The following NACC2 variants were observed in gnomAD, a reference collection of about 807,000 sequenced individuals.
NACC2 encodes NACC family member 2, also known as nucleus accumbens-associated protein 2.
A neutral mutation model predicts 25.1 loss-of-function variants in NACC2; 8 were observed. That is an observed-to-expected ratio of 0.32 (90% CI 0.19 to 0.57). The LOEUF (loss-of-function observed/expected upper bound fraction) is 0.57. Among genes scored for constraint, NACC2 ranks in the 20% least tolerant of loss-of-function variants. NACC2 has a pLI of 0.89. For synonymous variants in NACC2, 435 were observed against 294.7 expected (o/e 1.48, Z -4.88); for missense variants, 644 against 650.2 (o/e 0.99, Z 0.10).
At chr9:136,092,977 C>T (rs987572041) in intron 1 of NACC2, among the ~76,000 whole-genome samples, 1 of 152,170 alleles carries the variant, frequency 6.6e-6, no homozygotes, top group Non-Finnish European at 1.5e-5. Flanking sequence ...TAGAACAGGG[C>T]TGGCTGAGGA....
chr9:136,049,260 G>C (rs1468915781), intron 2 of NACC2, among the ~76,000 whole-genome samples: 5 of 152,214 alleles, frequency 3.3e-5, no homozygotes, highest in Admixed American at 3.3e-4. Context: ...AGACCTGGCC[G>C]GGTGAGGCGC....
rs955748798 is a variant in NACC2 at position 136,041,474 on chromosome 9, T to C, written c.886+8162A>G. Among the ~76,000 whole-genome samples, 343 of 150,906 alleles carry C rather than the reference T, an allele frequency of 2.3e-3. 2 individuals carry two copies. Among genetic ancestry groups the C allele is most frequent in the African/African-American group, 8.0e-3 (329 of 41,210 alleles). On this transcript the variant is annotated intron_variant, in intron 2 of 5. Coordinates refer to ENST00000277554, the MANE Select transcript of NACC2 (RefSeq NM_144653.5). ...TGAAGCATTGACCTATTCTTCAACA[T>C]GGGTGATTCCTGATGCCAAAAGAAA...
chr9:136,083,417 C>T (rs1330463924), intron 1 of NACC2, among the ~76,000 whole-genome samples: 1 of 152,184 alleles, frequency 6.6e-6, no homozygotes, highest in Admixed American at 6.5e-5. Context: ...TGGCCTTCAC[C>T]CCTGTACTAG....
chr9:136,053,615 G>A (rs1840881052), intron 1 of NACC2, among the ~76,000 whole-genome samples: 1 of 152,220 alleles, frequency 6.6e-6, no homozygotes, highest in Non-Finnish European at 1.5e-5. Context: ...CCGGGCAGGG[G>A]GGTACAAGAG....
In NACC2 at chr9:136,050,512, T is replaced by A. The variant is rs1840809896; in HGVS notation, c.10A>T (p.Met4Leu). The change falls in exon 2 of 6, where the codon ATG (methionine) becomes TTG (leucine). Residue 4 changes from methionine to leucine, a missense_variant. Coordinates refer to ENST00000277554, the MANE Select transcript of NACC2 (RefSeq NM_144653.5). ...AAGTTGGGGATCTCGATGTGCAGCA[T>A]CTGAGACATGGCGGGCGGGCAGCGG... MSQ[M>L]LHIEIPNFGN... The A allele has an allele frequency of 2.6e-6, 2 of 763,244 alleles. No homozygotes were observed. Among genetic ancestry groups the A allele is most frequent in the Non-Finnish European group, 4.8e-6 (2 of 417,332 alleles). 47.3% of individuals were successfully genotyped at this position (763,244 alleles called of 1,614,324 possible).
intron 2 of NACC2, among the ~76,000 whole-genome samples, chr9:136,048,339 C>G (rs1331399672): frequency 1.3e-5 from 2 of 152,178 alleles, no homozygotes; most frequent in Admixed American, 1.3e-4. Flanking sequence ...CTCAGCCAGC[C>G]GGGTCCACAA....
chr9:136,093,872 G>T lies in NACC2; in HGVS notation c.-60+1317C>A, dbSNP rs181767641. Among the ~76,000 whole-genome samples, 831 of 152,310 alleles carry T rather than the reference G, an allele frequency of 5.5e-3. 5 individuals carry two copies. The highest frequency in any genetic ancestry group is 0.019 in the African/African-American group (770 of 41,568). On this transcript the variant is annotated intron_variant, in intron 1 of 5. Transcript: ENST00000277554. ...TGACCTAACTCTAGGCGCCCCTGCT[G>T]GGGGGTGCTACAGGCTAAAACACCC... is the stretch of plus-strand genomic sequence containing the variant.
intron 1 of NACC2, among the ~76,000 whole-genome samples, chr9:136,051,630 G>A (rs1186175243): frequency 6.6e-6 from 1 of 152,092 alleles, no homozygotes; most frequent in Non-Finnish European, 1.5e-5. Flanking sequence ...GCGGGAGGAG[G>A]GCGGAGCCAC....
intron 1 of NACC2, among the ~76,000 whole-genome samples, chr9:136,082,955 T>C (rs576013086): frequency 6.6e-6 from 1 of 152,340 alleles, no homozygotes; most frequent in Admixed American, 6.5e-5. Context: ...TCCTGCCAGA[T>C]ATCAGGGCGA....
At chr9:136,091,690 G>A (rs1007223816) in intron 1 of NACC2, among the ~76,000 whole-genome samples, 1 of 152,194 alleles carries the variant, frequency 6.6e-6, no homozygotes, top group African/African-American at 2.4e-5. Flanking sequence ...AACGCAGGAA[G>A]GCCACAGCTG....
Position 136,013,168 on chromosome 9 carries a change from C to T in NACC2, c.1255+31G>A, listed in dbSNP as rs1326568535. On this transcript the variant is annotated intron_variant, in intron 5 of 5. Transcript: ENST00000277554. The surrounding 1 kb of genome is among the most constrained non-coding windows in gnomAD (Gnocchi z 6.6). ...CTGGGATCTGAACCCAGCCCCGGCC[C>T]CACCCACCCGAGAGACCCCCAGGCT... The T allele has an allele frequency of 4.0e-6, 4 of 1,009,136 alleles. No homozygotes were observed. Among genetic ancestry groups the T allele is most frequent in the Non-Finnish European group, 6.3e-6 (4 of 637,938 alleles). The allele number at this position is 1,009,136 out of a possible 1,614,324, so 62.5% of individuals were successfully genotyped here.
chr9:136,088,609 G>A (rs1179282695), intron 1 of NACC2, among the ~76,000 whole-genome samples: 5 of 152,222 alleles, frequency 3.3e-5, no homozygotes, highest in Non-Finnish European at 5.9e-5. Flanking sequence ...ATCAGCAGGG[G>A]CTTCACTGCC....
intron 2 of NACC2, among the ~76,000 whole-genome samples, chr9:136,042,989 C>T (rs1415901625): frequency 6.7e-6 from 1 of 149,754 alleles, no homozygotes; most frequent in Non-Finnish European, 1.5e-5. Flanking sequence ...CGCAGACACA[C>T]AGACACAGTG....
rs925409017 is a variant in NACC2 at position 136,012,126 on chromosome 9, C to A, written c.1256-102G>T. 8 of 1,381,870 alleles carry A rather than the reference C, an allele frequency of 5.8e-6. No homozygotes were observed. The Admixed American group carries it at 8.4e-5, about 15-fold the overall frequency. 85.6% of individuals were successfully genotyped at this position (1,381,870 alleles called of 1,614,324 possible). A position where few individuals can be genotyped will look rare whatever the true frequency, so the allele number is the denominator to read the frequency against. ...GATGCCCTGGATGAGCCTCCCCGGCCGCTCCTGGGGCCCATGTGACCACCT... is the reference window on the plus strand; with the variant it reads ...GATGCCCTGGATGAGCCTCCCCGGCAGCTCCTGGGGCCCATGTGACCACCT... On this transcript the variant is annotated intron_variant, in intron 5 of 5. Transcript: ENST00000277554.
At chr9:136,025,722 G>A (rs552476254) in intron 2 of NACC2, among the ~76,000 whole-genome samples, 1 of 151,280 alleles carries the variant, frequency 6.6e-6, no homozygotes, top group African/African-American at 2.4e-5. Context: ...GAGACAGCCT[G>A]GCCAAAACGG....
intron 2 of NACC2, among the ~76,000 whole-genome samples, chr9:136,029,755 G>C (rs1840446060): frequency 6.6e-6 from 1 of 152,210 alleles, no homozygotes; most frequent in African/African-American, 2.4e-5. Context: ...CTGTGCCAGT[G>C]CCTGGAGCTG....
At chr9:136,026,831 C>G (rs969792871) in intron 2 of NACC2, among the ~76,000 whole-genome samples, 1 of 152,170 alleles carries the variant, frequency 6.6e-6, no homozygotes, top group Non-Finnish European at 1.5e-5. Flanking sequence ...GGAGAAGCAA[C>G]AGGAGGTCAG....
rs780098827 is a variant in NACC2, at chr9:136,013,866, G to T, written c.1155C>A (p.Asp385Glu). ...CCAGCACTCCTGCCCCGACCTACCT[G>T]TCAAAGAAGGTGGCCAGGAGCCTCC... The part of the protein sequence containing the change: ...LLRRLLATFF[D>E]RNTLANSCGT... Residue 385 changes from aspartate to glutamate, a missense_variant and splice_region_variant, in exon 4 of 6, where the codon GAC (aspartate) becomes GAA (glutamate). Physicochemically the swap from Asp to Glu is conservative, Grantham distance 45. Coordinates refer to ENST00000277554, the MANE Select transcript of NACC2 (RefSeq NM_144653.5). The surrounding 1 kb of genome is among the most constrained non-coding windows in gnomAD (Gnocchi z 6.6). 1 of 1,612,226 alleles carries T rather than the reference G, an allele frequency of 6.2e-7. No individual in the cohort carries two copies. Among genetic ancestry groups the T allele is most frequent in the African/African-American group, 1.3e-5 (1 of 74,888 alleles).
chr9:136,074,870 C>A (rs1009864747), intron 1 of NACC2, among the ~76,000 whole-genome samples: 2 of 152,242 alleles, frequency 1.3e-5, no homozygotes, highest in Non-Finnish European at 2.9e-5. Context: ...GAAGCGTGGC[C>A]TTCCCAGCCG....
Sources: allele counts gnomAD v4.1 joint callset (sites outside exome capture counted in the v4.1 genomes callset), GRCh38; gene constraint gnomAD v4.1.1; non-coding constraint Gnocchi (gnomAD v3.1); transcripts MANE v1.5; gene names NCBI Gene and HGNC (gene_info 2026-07-23, HGNC 2026-07-21).